ALAS2: variants seen among roughly 807,000 people sequenced by gnomAD.
ALAS2 encodes the protein 5-aminolevulinate synthase, erythroid-specific, mitochondrial.
Under a neutral mutation model 33.7 loss-of-function variants are expected in ALAS2, and 3 were observed. The ratio of observed to expected loss-of-function variants is 0.09; its 90% CI spans 0.04 to 0.23. The LOEUF (loss-of-function observed/expected upper bound fraction) is 0.23. Ranked by LOEUF, ALAS2 falls within the 10% of genes least tolerant of loss-of-function variation. The pLI is 1.00. For synonymous variants in ALAS2, 191 were observed against 177.3 expected (o/e 1.08, Z -0.61); for missense variants, 304 against 475.1 (o/e 0.64, Z 3.35).
Position 55,025,725 on chromosome X carries a change from C to A in ALAS2, c.181+95G>T, listed in dbSNP as rs1322880592. 4.4e-6 allele frequency: 4 copies of A among 914,935 alleles called. No homozygotes were observed. In the African/African-American group the frequency reaches 7.8e-5, roughly 18 times the overall value. 75.4% of individuals were successfully genotyped at this position (914,935 alleles called of 1,213,427 possible). ...GCTATCTTGACACTTTTCACATGAACCGTCCTAATTATTAGGCAAAGATGG... is the reference window on the plus strand; with the variant it reads ...GCTATCTTGACACTTTTCACATGAAACGTCCTAATTATTAGGCAAAGATGG... On this transcript the variant is annotated intron_variant, in intron 2 of 10. Coordinates refer to ENST00000650242, the MANE Select transcript of ALAS2 (RefSeq NM_000032.5).
chrX:55,014,397 TTC>T (rs1169842525), intron 9 of ALAS2, among the ~76,000 whole-genome samples: 2 of 111,807 alleles, frequency 1.8e-5, no homozygotes, highest in Non-Finnish European at 3.8e-5. Context: ...CTCCAACATT[TTC>T]TGTTTCTTTT....
At position 55,023,799 on chromosome X, in the gene ALAS2, T is replaced by C. The variant is rs143995220; in HGVS notation, c.373A>G (p.Ile125Val). Residue 125 changes from isoleucine (I) to valine (V), a missense_variant, in exon 4 of 11, where the codon ATC (isoleucine) becomes GTC (valine). Physicochemically the swap from Ile to Val is conservative, Grantham distance 29 (BLOSUM62 3). Coordinates refer to ENST00000650242, the MANE Select transcript of ALAS2 (RefSeq NM_000032.5). ...ATCAGGTGTGTGACCTTCCCAGAGA[T>C]CTGCTCCTGCTCCTGGGGACCGGAA... Reference protein sequence around the residue: ...PFSGPQEQEQISGKVTHLIQN... With the variant: ...PFSGPQEQEQVSGKVTHLIQN... 58 of 1,208,599 alleles carry C rather than the reference T, an allele frequency of 4.8e-5. No individual in the cohort carries two copies. In the African/African-American group the frequency reaches 9.7e-4, roughly 20 times the overall value.
At chrX:55,024,396 C>T (rs1170730888) in intron 3 of ALAS2, among the ~76,000 whole-genome samples, 1 of 111,766 alleles carries the variant, frequency 8.9e-6, no homozygotes, top group African/African-American at 3.3e-5. Context: ...TCCATATTCT[C>T]ATAGAGTGGT....
At chrX:55,027,664 A>G in intron 1 of ALAS2, 1 of 916,280 alleles carries the variant, frequency 1.1e-6, no homozygotes, top group Non-Finnish European at 1.6e-6. Flanking sequence ...TTTGAGGGAC[A>G]GGTCAGCTCA....
chrX:55,028,474 T>C (rs1186234143), intron 1 of ALAS2, among the ~76,000 whole-genome samples: 1 of 111,381 alleles, frequency 9.0e-6, no homozygotes, highest in Non-Finnish European at 1.9e-5. Flanking sequence ...GCCCCCAATA[T>C]TGGAGGCAAA....
intron 8 of ALAS2, 112 bp downstream of exon 8, chrX:55,015,466 G>A: frequency 3.4e-6 from 3 of 891,908 alleles, no homozygotes; most frequent in South Asian, 2.1e-5. Flanking sequence ...GCAGCCTGGG[G>A]CTGTGAATTC....
intron 10 of ALAS2, 66 bp from the exon 11 acceptor site, chrX:55,009,409 T>A: frequency 9.4e-7 from 1 of 1,063,050 alleles, no homozygotes; most frequent in Non-Finnish European, 1.3e-6. Context: ...TCTGTCACAG[T>A]ACAGATGAGC....
chrX:55,015,959 CTG>C lies in ALAS2; in HGVS notation c.1004-219_1004-218del, dbSNP rs56109492. Among the ~76,000 whole-genome samples the C allele has an allele frequency of 0.11, 8,799 of 79,585 alleles. 338 individuals carry two copies. The highest frequency in any genetic ancestry group is 0.13 in the Middle Eastern group (20 of 152). 69.1% of individuals were successfully genotyped at this position (79,585 alleles called of 115,157 possible). A position where few individuals can be genotyped will look rare whatever the true frequency, so the allele number is the denominator to read the frequency against. ...CTTCTCTCTCTCTCTCTCTGTCTCT[CTG>C]TGTGTGTGTGTGTGTGTGTGTGTGT... is the stretch of plus-strand genomic sequence containing the variant. On this transcript the variant is annotated intron_variant, in intron 7 of 10. Transcript: ENST00000650242.
Position 55,030,795 on chromosome X carries a change from A to G in ALAS2, c.-16+147T>C, listed in dbSNP as rs866595333. ...GGAAAGACAGAAAGAGACATGGGAG[A>G]TAAAAAGAAAATGAAAAAGAGACAG... On this transcript the variant is annotated intron_variant, in intron 1 of 10. Transcript: ENST00000650242. The G allele has an allele frequency of 7.0e-5, 12 of 171,608 alleles. No homozygotes were observed. The Middle Eastern group carries it at 6.2e-3, about 89-fold the overall frequency. 14.1% of individuals were successfully genotyped at this position (171,608 alleles called of 1,213,427 possible).
chrX:55,020,995 A>C, intron 5 of ALAS2, 57 bp downstream of exon 5: 1 of 1,057,323 alleles, frequency 9.5e-7, no homozygotes, highest in African/African-American at 1.9e-5. Context: ...TTTTTTTTCC[A>C]TGTGTGGTTT....
intron 10 of ALAS2, 26 bp from the exon 11 acceptor site, chrX:55,009,369 G>GAAAAAAA: frequency 8.5e-7 from 1 of 1,170,939 alleles, no homozygotes; most frequent in Admixed American, 2.5e-5. Flanking sequence ...GGAGGGGAGG[G>GAAAAAAA]AAAAAATGGG....
In ALAS2 at chrX:55,025,833, T is replaced by G. The variant is rs1168658137; in HGVS notation, c.168A>C (p.Thr56=). The G allele has an allele frequency of 1.7e-6, 2 of 1,211,770 alleles. No homozygotes were observed. Among genetic ancestry groups the G allele is most frequent in the Non-Finnish European group, 1.1e-6 (1 of 895,442 alleles). The change falls in exon 2 of 11, where the codon ACA becomes ACC. Residue 56 remains threonine (T), a synonymous_variant. Coordinates refer to ENST00000650242, the MANE Select transcript of ALAS2 (RefSeq NM_000032.5). ...PNCSQIHLKA[T]KAGGDSPSWA... ...GCCTCTTCTTACCTCCTCCAGCCTT[T>G]GTTGCCTTAAGGTGGATTTGAGAAC...
At chrX:55,013,428 T>C in intron 10 of ALAS2, 58 bp downstream of exon 10, 1 of 1,132,852 alleles carries the variant, frequency 8.8e-7, no homozygotes, top group South Asian at 2.0e-5. Context: ...CAGCTTCTCT[T>C]TCAGATCCTG....
intron 2 of ALAS2, 85 bp from the exon 3 acceptor site, chrX:55,024,925 C>A: frequency 9.0e-7 from 1 of 1,116,325 alleles, no homozygotes; most frequent in South Asian, 1.8e-5. Context: ...TAATGTACCC[C>A]TAAAGCCCTA....
intron 1 of ALAS2, among the ~76,000 whole-genome samples, chrX:55,026,586 C>T (rs5913786): frequency 1.8e-5 from 2 of 111,671 alleles, no homozygotes; most frequent in Non-Finnish European, 1.9e-5. Context: ...GCCCTAGGTC[C>T]TACAGAATGT....
intron 6 of ALAS2, among the ~76,000 whole-genome samples, chrX:55,018,510 TC>T (rs1935742525): frequency 8.9e-6 from 1 of 111,855 alleles, no homozygotes; most frequent in Non-Finnish European, 1.9e-5. Flanking sequence ...GTCTCTGGTG[TC>T]CAGTATAAGA....
At chrX:55,030,431 G>T (rs1231763080) in intron 1 of ALAS2, among the ~76,000 whole-genome samples, 1 of 111,215 alleles carries the variant, frequency 9.0e-6, no homozygotes, top group East Asian at 2.8e-4. Flanking sequence ...CCACCCCTAG[G>T]CTCCCCATGG....
chrX:55,020,130 C>G (rs1935775106), intron 6 of ALAS2, among the ~76,000 whole-genome samples, 190 bp downstream of exon 6: 1 of 111,701 alleles, frequency 9.0e-6, no homozygotes. Context: ...TAATGGTCCT[C>G]TCTACGTGCA....
rs754538174 is a variant in ALAS2 at position 55,019,156 on chromosome X, TG to T, written c.823+1163del. Reference sequence around the variant, plus strand: ...AGAGAGTGATCAGGGGTTGAGGCAATGTTTTTTTATAAGATACAAGAGACTT... The same window carrying T: ...AGAGAGTGATCAGGGGTTGAGGCAATTTTTTTTATAAGATACAAGAGACTT... On this transcript the variant is annotated intron_variant, in intron 6 of 10. Coordinates refer to ENST00000650242, the MANE Select transcript of ALAS2 (RefSeq NM_000032.5). Among the ~76,000 whole-genome samples the T allele has an allele frequency of 4.4e-4, 49 of 110,812 alleles. No individual in the cohort carries two copies. In the East Asian group the frequency reaches 6.9e-3, roughly 16 times the overall value.
Sources: gnomAD v4.1 joint callset for allele counts (sites outside exome capture counted in the v4.1 genomes callset) on GRCh38, gnomAD v4.1.1 for gene constraint, MANE v1.5 for transcripts, NCBI Gene and HGNC (gene_info 2026-07-23, HGNC 2026-07-21) for gene names.